Variants in FAM107B observed in about 807,000 individuals in gnomAD.
FAM107B encodes the protein family with sequence similarity 107 member B, also known as protein FAM107B.
Under a neutral mutation model 31.5 loss-of-function variants are expected in FAM107B, and 21 were observed. The observed-to-expected ratio is 0.67, with a 90% confidence interval of 0.47 to 0.96. The LOEUF (loss-of-function observed/expected upper bound fraction) is 0.96, where lower values mean the gene tolerates loss of function less well. FAM107B is among the 40% of genes least tolerant of loss of function. FAM107B has a pLI of 0.00. For synonymous variants in FAM107B, 157 were observed against 141.5 expected (o/e 1.11, Z -0.78); for missense variants, 452 against 377.1 (o/e 1.20, Z -1.64).
intron 1 of FAM107B, among the ~76,000 whole-genome samples, chr10:14,690,642 C>T (rs1209985816): frequency 2.0e-5 from 3 of 152,012 alleles, no homozygotes; most frequent in African/African-American, 7.2e-5. Flanking sequence ...TTAGTAGAGA[C>T]AGGGTTTCAC....
At chr10:14,645,332 A>C (rs1853725773) in intron 2 of FAM107B, among the ~76,000 whole-genome samples, 1 of 152,204 alleles carries the variant, frequency 6.6e-6, no homozygotes, top group Non-Finnish European at 1.5e-5. Context: ...TCAACTGCTC[A>C]GAAGGCAGTG....
In FAM107B at chr10:14,563,316, A is replaced by C. The variant is rs1316249457; in HGVS notation, c.470-32801T>G. Among the ~76,000 whole-genome samples, 4 of 152,376 alleles carry C rather than the reference A, an allele frequency of 2.6e-5. No individual in the cohort carries two copies. In the East Asian group the frequency reaches 7.7e-4, roughly 29 times the overall value. On this transcript the variant is annotated intron_variant, in intron 2 of 4. Transcript: ENST00000181796. ...AATTTGGAAAATACAGAAAAGTATA[A>C]AGAAAATTTCCCCCATGAATGCATC...
intron 3 of FAM107B, among the ~76,000 whole-genome samples, chr10:14,523,276 T>C (rs112787137): frequency 0.022 from 3,378 of 152,314 alleles, 64 homozygotes; most frequent in East Asian, 0.089. Context: ...TGCCAACTCA[T>C]AAGTAATCTC....
chr10:14,625,278 GTA>G (rs1554841617), intron 2 of FAM107B, among the ~76,000 whole-genome samples: 8 of 144,014 alleles, frequency 5.6e-5, no homozygotes, highest in Admixed American at 2.1e-4. Context: ...GTGTGTGTGT[GTA>G]TGTGTGTGTA....
At chr10:14,763,670 A>G (rs1833103837) in intron 1 of FAM107B, among the ~76,000 whole-genome samples, 1 of 152,156 alleles carries the variant, frequency 6.6e-6, no homozygotes, top group East Asian at 1.9e-4. Context: ...AGACCTGGGG[A>G]TGAAAGCCAT....
intron 1 of FAM107B, among the ~76,000 whole-genome samples, chr10:14,675,231 T>A (rs543514204): frequency 1.1e-4 from 17 of 152,298 alleles, no homozygotes; most frequent in Admixed American, 1.1e-3. Flanking sequence ...GGGAATAAGC[T>A]GGGCGTTGGG....
chr10:14,690,734 G>A (rs1055254195), intron 1 of FAM107B, among the ~76,000 whole-genome samples: 1 of 152,124 alleles, frequency 6.6e-6, no homozygotes, highest in East Asian at 1.9e-4. Context: ...TTACAGGCGT[G>A]AGCCACCACG....
At chr10:14,752,325 G>A (rs1490222083) in intron 1 of FAM107B, among the ~76,000 whole-genome samples, 1 of 152,202 alleles carries the variant, frequency 6.6e-6, no homozygotes, top group Non-Finnish European at 1.5e-5. Context: ...TCCCTCCAGG[G>A]AGGAAGGACA....
chr10:14,652,625 G>C (rs1049951520), intron 2 of FAM107B: 10 of 152,202 alleles, frequency 6.6e-5, no homozygotes, highest in Non-Finnish European at 1.5e-4. Flanking sequence ...AGCATGGCAC[G>C]TTATGCATTG....
chr10:14,613,494 C>T (rs1453289499), intron 2 of FAM107B, among the ~76,000 whole-genome samples: 3 of 152,214 alleles, frequency 2.0e-5, no homozygotes, highest in African/African-American at 7.2e-5. Context: ...TGCCTCCTTA[C>T]TAACCTGACA....
intron 1 of FAM107B, among the ~76,000 whole-genome samples, chr10:14,728,864 C>T (rs1276595656): frequency 6.6e-6 from 1 of 152,194 alleles, no homozygotes; most frequent in Non-Finnish European, 1.5e-5. Flanking sequence ...GCTTTAGATT[C>T]AGGCCTGATG....
intron 1 of FAM107B, among the ~76,000 whole-genome samples, chr10:14,765,125 A>G (rs886968360): frequency 1.3e-5 from 2 of 152,170 alleles, no homozygotes; most frequent in Non-Finnish European, 2.9e-5. Context: ...CCCCCAATAT[A>G]TCAATACCTA....
chr10:14,635,179 T>G (rs1407628244), intron 2 of FAM107B, among the ~76,000 whole-genome samples: 1 of 150,718 alleles, frequency 6.6e-6, no homozygotes, highest in Middle Eastern at 3.5e-3. Flanking sequence ...CAAACCTCAG[T>G]TTTTTTGGCC....
At chr10:14,730,776 G>A (rs184903607) in intron 1 of FAM107B, among the ~76,000 whole-genome samples, 1 of 152,290 alleles carries the variant, frequency 6.6e-6, no homozygotes, top group Non-Finnish European at 1.5e-5. Context: ...AGTTTGCCCA[G>A]GAATGTTCTG....
At chr10:14,695,776 A>G (rs558655355) in intron 1 of FAM107B, among the ~76,000 whole-genome samples, 2 of 152,198 alleles carry the variant, frequency 1.3e-5, no homozygotes, top group Non-Finnish European at 2.9e-5. Context: ...TTTATTTTTT[A>G]GCTAGGTTGT....
At chr10:14,604,335 G>A (rs1852516861) in intron 2 of FAM107B, 1 of 859,976 alleles carries the variant, frequency 1.2e-6, no homozygotes, top group Non-Finnish European at 1.4e-6. Context: ...GCGGCCCGAG[G>A]CGGCGCGAGG....
intron 1 of FAM107B, among the ~76,000 whole-genome samples, chr10:14,689,334 C>T (rs1010368595): frequency 3.4e-5 from 5 of 146,680 alleles, no homozygotes; most frequent in African/African-American, 7.6e-5. Context: ...GAGCTGAGAC[C>T]GCACCACTGC....
intron 1 of FAM107B, among the ~76,000 whole-genome samples, chr10:14,689,700 C>A (rs1229271429): frequency 6.6e-6 from 1 of 152,138 alleles, no homozygotes; most frequent in African/African-American, 2.4e-5. Context: ...GTGCCTCACA[C>A]CTGTAATCCC....
chr10:14,555,924 C>CACA (rs1349541176), intron 2 of FAM107B: 1 of 155,034 alleles, frequency 6.5e-6, no homozygotes, highest in Non-Finnish European at 1.4e-5. Context: ...CACACACACA[C>CACA]ACTGGGCAGT....
Sources: gnomAD v4.1 joint callset for allele counts (sites outside exome capture counted in the v4.1 genomes callset) on GRCh38, gnomAD v4.1.1 for gene constraint, MANE v1.5 for transcripts, NCBI Gene and HGNC (gene_info 2026-07-23, HGNC 2026-07-21) for gene names.